The following NEMP2 variants were observed in gnomAD, a reference collection of about 807,000 sequenced individuals.
NEMP2 encodes the protein UPF0571 transmembrane protein.
In NEMP2, 53 loss-of-function variants were observed where a neutral mutation model predicts 54.2. The observed-to-expected ratio is 0.98, with a 90% confidence interval of 0.78 to 1.23. NEMP2 has a LOEUF of 1.23. NEMP2 is among the 50% of genes most tolerant of loss of function. The pLI is 0.00. For synonymous variants in NEMP2, 197 were observed against 190.3 expected (o/e 1.04, Z -0.29); for missense variants, 455 against 511.3 (o/e 0.89, Z 1.06).
Position 190,510,288 on chromosome 2 carries a change from G to C in NEMP2, c.1130+73C>G. The C allele has an allele frequency of 6.6e-7, 1 of 1,516,032 alleles. No homozygotes were observed. The highest frequency in any genetic ancestry group is 8.9e-7 in the Non-Finnish European group (1 of 1,121,290). 93.9% of individuals were successfully genotyped at this position (1,516,032 alleles called of 1,614,324 possible). ...AGTCTATTTCTACCCTGAAGTGCCTGTACCAAACCATCATATTATTTTTTA... is the reference window on the plus strand; with the variant it reads ...AGTCTATTTCTACCCTGAAGTGCCTCTACCAAACCATCATATTATTTTTTA... On this transcript the variant is annotated intron_variant, in intron 8 of 8. Transcript: ENST00000409150. This position sits in a 1 kb window ranked among gnomAD's most constrained non-coding sequence, Gnocchi z 5.7.
At chr2:190,458,198 G>C in the NEMP2 span, among the ~76,000 whole-genome samples, 1 of 151,942 alleles carries the variant, frequency 6.6e-6, no homozygotes, top group Non-Finnish European at 1.5e-5. This position sits in a 1 kb window ranked among gnomAD's most constrained non-coding sequence, Gnocchi z 5.3. Flanking sequence ...TGTGGCCCCT[G>C]AAGATTCATA....
At chr2:190,548,235 T>G in the NEMP2 span, among the ~76,000 whole-genome samples, 4 of 152,178 alleles carry the variant, frequency 2.6e-5, no homozygotes, top group African/African-American at 9.7e-5. Context: ...TTTTTTCTTT[T>G]CACTTAAAGA....
the NEMP2 span, among the ~76,000 whole-genome samples, chr2:190,495,520 A>G: frequency 7.2e-5 from 11 of 152,196 alleles, no homozygotes; most frequent in Non-Finnish European, 1.5e-4. This position sits in a 1 kb window ranked among gnomAD's most constrained non-coding sequence, Gnocchi z 4.7. Context: ...ATGGAGCCAA[A>G]AAAGAGCCTG....
At position 190,533,007 on chromosome 2, in the gene NEMP2, T is replaced by C. The variant is rs1388321802; in HGVS notation, c.97+1552A>G. The stretch of plus-strand genomic sequence containing the variant: ...TCCAATAAGTATTTATGTGTGTCTT[T>C]GATTAACAAAGCAGAGAAGCAGGCT... On this transcript the variant is annotated intron_variant, in intron 1 of 8. Coordinates refer to ENST00000409150, the MANE Select transcript of NEMP2 (RefSeq NM_001142645.2). This position sits in a 1 kb window ranked among gnomAD's most constrained non-coding sequence, Gnocchi z 4.3. Among the ~76,000 whole-genome samples the C allele has an allele frequency of 1.3e-5, 2 of 152,244 alleles. No individual in the cohort carries two copies. Among genetic ancestry groups the C allele is most frequent in the African/African-American group, 2.4e-5 (1 of 41,466 alleles).
At chr2:190,614,806 G>A in the NEMP2 span, among the ~76,000 whole-genome samples, 1 of 152,146 alleles carries the variant, frequency 6.6e-6, no homozygotes, top group East Asian at 1.9e-4. The surrounding 1 kb of genome is among the most constrained non-coding windows in gnomAD (Gnocchi z 5.7). Context: ...AGCAGTACCA[G>A]ACAAATGGCT....
the NEMP2 span, among the ~76,000 whole-genome samples, chr2:190,471,180 T>C: frequency 3.9e-5 from 6 of 152,162 alleles, no homozygotes; most frequent in African/African-American, 1.4e-4. This position sits in a 1 kb window ranked among gnomAD's most constrained non-coding sequence, Gnocchi z 4.7. Flanking sequence ...AGAAGACTAC[T>C]GATTTCTGCA....
the NEMP2 span, among the ~76,000 whole-genome samples, chr2:190,646,558 T>C: frequency 6.6e-6 from 1 of 152,226 alleles, no homozygotes; most frequent in African/African-American, 2.4e-5. Context: ...TTCCTTCATT[T>C]TCCTTCCTCC....
At chr2:190,604,919 A>G in the NEMP2 span, among the ~76,000 whole-genome samples, 1 of 152,138 alleles carries the variant, frequency 6.6e-6, no homozygotes, top group Non-Finnish European at 1.5e-5. This position sits in a 1 kb window ranked among gnomAD's most constrained non-coding sequence, Gnocchi z 4.5. Context: ...AGTTTTTGTT[A>G]ATTCAGTTAA....
At chr2:190,546,268 G>A in the NEMP2 span, among the ~76,000 whole-genome samples, 3 of 151,912 alleles carry the variant, frequency 2.0e-5, no homozygotes, top group Non-Finnish European at 4.4e-5. This position sits in a 1 kb window ranked among gnomAD's most constrained non-coding sequence, Gnocchi z 5.1. Context: ...AACACATACA[G>A]ACTGTTTTCC....
At chr2:190,575,147 G>T in the NEMP2 span, among the ~76,000 whole-genome samples, 1 of 151,942 alleles carries the variant, frequency 6.6e-6, no homozygotes, top group African/African-American at 2.4e-5. Context: ...GAGCCACCGT[G>T]CCCAGCCGAC....
At chr2:190,605,109 G>A in the NEMP2 span, among the ~76,000 whole-genome samples, 1 of 152,066 alleles carries the variant, frequency 6.6e-6, no homozygotes, top group Non-Finnish European at 1.5e-5. Context: ...CATTTTGTAA[G>A]AATCCTAACT....
In NEMP2 at chr2:190,534,590, C is replaced by A; in HGVS notation, c.66G>T (p.Val22=). The change falls in exon 1 of 9, where the codon GTG becomes GTT. Residue 22 remains valine (V), a synonymous_variant. Coordinates refer to ENST00000409150, the MANE Select transcript of NEMP2 (RefSeq NM_001142645.2). Reference sequence around the variant, plus strand: ...ACGCTGCCGCCGCCGCCTCCCCGCGCACGGGCAGTGTGGCCAGGGGCGGCA... The same window carrying A: ...ACGCTGCCGCCGCCGCCTCCCCGCGAACGGGCAGTGTGGCCAGGGGCGGCA... ...LWLPPLATLP[V]RGEAAAAALS... 7.2e-7 allele frequency: 1 copy of A among 1,397,000 alleles called. No homozygotes were observed. Among genetic ancestry groups the A allele is most frequent in the South Asian group, 1.6e-5 (1 of 64,442 alleles). 86.5% of individuals were successfully genotyped at this position (1,397,000 alleles called of 1,614,324 possible).
chr2:190,428,808 G>A, the NEMP2 span, among the ~76,000 whole-genome samples: 1 of 152,070 alleles, frequency 6.6e-6, no homozygotes. Flanking sequence ...GAGTAGCTGG[G>A]ATTACAGGCA....
the NEMP2 span, among the ~76,000 whole-genome samples, chr2:190,572,833 GTATATATATATATA>G: frequency 3.2e-3 from 153 of 47,872 alleles, 6 homozygotes; most frequent in African/African-American, 0.011. Flanking sequence ...CTTTTCATGA[GTATATATATATATA>G]TATATATATA....
At chr2:190,443,703 T>TC in the NEMP2 span, among the ~76,000 whole-genome samples, 3 of 152,316 alleles carry the variant, frequency 2.0e-5, no homozygotes, top group Middle Eastern at 3.4e-3. This position sits in a 1 kb window ranked among gnomAD's most constrained non-coding sequence, Gnocchi z 4.2. Context: ...GGAAGTGCAC[T>TC]CCTGATACAG....
chr2:190,470,300 A>G, the NEMP2 span, among the ~76,000 whole-genome samples: 1 of 152,228 alleles, frequency 6.6e-6, no homozygotes, highest in African/African-American at 2.4e-5. Context: ...ACTTATAACT[A>G]AAGTTTTATA....
chr2:190,458,303 TC>T, the NEMP2 span, among the ~76,000 whole-genome samples: 1 of 152,124 alleles, frequency 6.6e-6, no homozygotes, highest in South Asian at 2.1e-4. The surrounding 1 kb of genome is among the most constrained non-coding windows in gnomAD (Gnocchi z 5.3). Flanking sequence ...GTCATTAGGG[TC>T]AGCCCTCATC....
At chr2:190,518,696 T>C (rs1447865053) in intron 4 of NEMP2, 40 bp downstream of exon 4, 1 of 1,439,454 alleles carries the variant, frequency 6.9e-7, no homozygotes, top group East Asian at 2.5e-5. Flanking sequence ...CTAAATCCCT[T>C]TTCATTCACA....
the NEMP2 span, among the ~76,000 whole-genome samples, chr2:190,452,793 A>G: frequency 6.6e-6 from 1 of 152,210 alleles, no homozygotes; most frequent in South Asian, 2.1e-4. Context: ...ATCCTGAGTG[A>G]AACTCTTATT....
Sources: allele counts gnomAD v4.1 joint callset (sites outside exome capture counted in the v4.1 genomes callset), GRCh38; gene constraint gnomAD v4.1.1; non-coding constraint Gnocchi (gnomAD v3.1); transcripts MANE v1.5; gene names NCBI Gene and HGNC (gene_info 2026-07-23, HGNC 2026-07-21).